The following ZFHX3 variants were observed in gnomAD, a reference collection of about 807,000 sequenced individuals.
ZFHX3 encodes zinc finger homeobox protein 3.
A neutral mutation model predicts 279.1 loss-of-function variants in ZFHX3; 42 were observed. The observed-to-expected ratio is 0.15, with a 90% CI of 0.12 to 0.19. ZFHX3 has a LOEUF of 0.19. Ranked by LOEUF, ZFHX3 falls within the 10% of genes least tolerant of loss-of-function variation. ZFHX3 has a pLI of 1.00. For synonymous variants in ZFHX3, 2,293 were observed against 1,957.8 expected, an observed-to-expected ratio of 1.17 and a Z score of -4.52; for missense variants, 4,981 against 4,754.0, an observed-to-expected ratio of 1.05 and a Z score of -1.40.
intron 2 of ZFHX3, among the ~76,000 whole-genome samples, chr16:73,572,874 C>A (rs182272363): frequency 2.6e-5 from 4 of 152,164 alleles, no homozygotes; most frequent in East Asian, 1.9e-4. Context: ...GCCTTCAATG[C>A]GGCCACTCCA....
chr16:73,300,781 G>A (rs2015037925), intron 4 of ZFHX3, among the ~76,000 whole-genome samples: 1 of 152,230 alleles, frequency 6.6e-6, no homozygotes, highest in South Asian at 2.1e-4. Context: ...TGGGATTACA[G>A]GCATGAGCCA....
chr16:73,729,621 G>A (rs890768320), intron 1 of ZFHX3, among the ~76,000 whole-genome samples: 5 of 151,662 alleles, frequency 3.3e-5, no homozygotes, highest in Non-Finnish European at 7.4e-5. Flanking sequence ...TTGCCCTAAG[G>A]TCTACTATTG....
At chr16:73,388,364 T>C (rs2016942887) in intron 3 of ZFHX3, among the ~76,000 whole-genome samples, 1 of 152,198 alleles carries the variant, frequency 6.6e-6, no homozygotes, top group Admixed American at 6.5e-5. Flanking sequence ...GGTAATGATC[T>C]GGGAAAATCC....
intron 1 of ZFHX3, among the ~76,000 whole-genome samples, chr16:73,889,305 T>A (rs1244314509): frequency 6.6e-6 from 1 of 152,180 alleles, no homozygotes; most frequent in Non-Finnish European, 1.5e-5. Flanking sequence ...ATTCATTCCA[T>A]GTTTTTGGCA....
chr16:72,963,565 T>TC (rs1310742841), intron 1 of ZFHX3, among the ~76,000 whole-genome samples: 1 of 152,180 alleles, frequency 6.6e-6, no homozygotes, highest in Admixed American at 6.5e-5. Context: ...TCTTCCAAGC[T>TC]CCCTTGGAAC....
chr16:73,762,012 C>G (rs1259732136), intron 1 of ZFHX3, among the ~76,000 whole-genome samples: 1 of 151,592 alleles, frequency 6.6e-6, no homozygotes, highest in Admixed American at 6.6e-5. Flanking sequence ...GAGCTTCTGA[C>G]AGAAAAAGAA....
chr16:73,094,773 GA>G (rs2144781932), intron 7 of ZFHX3, among the ~76,000 whole-genome samples: 1 of 152,176 alleles, frequency 6.6e-6, no homozygotes, highest in Non-Finnish European at 1.5e-5. Context: ...GCAGAGGTAC[GA>G]ACTTGACTCA....
At chr16:73,372,419 G>A (rs1182396301) in intron 3 of ZFHX3, among the ~76,000 whole-genome samples, 1 of 152,114 alleles carries the variant, frequency 6.6e-6, no homozygotes, top group Admixed American at 6.5e-5. Context: ...CATTTGTCAC[G>A]AAGCTCTTGC....
chr16:73,526,541 C>T (rs150755646), intron 2 of ZFHX3, among the ~76,000 whole-genome samples: 42 of 152,278 alleles, frequency 2.8e-4, no homozygotes, highest in Middle Eastern at 3.4e-3. Flanking sequence ...TTCAAAATGA[C>T]CCAGGCCCTG....
At chr16:73,660,404 A>T (rs902468567) in intron 2 of ZFHX3, among the ~76,000 whole-genome samples, 1 of 152,220 alleles carries the variant, frequency 6.6e-6, no homozygotes, top group Non-Finnish European at 1.5e-5. Flanking sequence ...TGAACCAGAA[A>T]AATATTTGTG....
At chr16:72,894,818 G>A (rs550222257) in intron 3 of ZFHX3, among the ~76,000 whole-genome samples, 2 of 152,258 alleles carry the variant, frequency 1.3e-5, no homozygotes, top group South Asian at 2.1e-4. Flanking sequence ...TTTCTCCCAC[G>A]CAAATCCTGA....
intron 5 of ZFHX3, among the ~76,000 whole-genome samples, chr16:73,180,907 C>A (rs992763780): frequency 6.6e-6 from 1 of 152,202 alleles, no homozygotes; most frequent in African/African-American, 2.4e-5. Context: ...AAATGATCCA[C>A]CCGCCTTGGC....
At chr16:73,725,764 C>T (rs1249118722) in intron 1 of ZFHX3, among the ~76,000 whole-genome samples, 2 of 152,116 alleles carry the variant, frequency 1.3e-5, no homozygotes, top group East Asian at 1.9e-4. Flanking sequence ...ATGGACAGTG[C>T]TTTCCCCTTT....
In ZFHX3 at chr16:72,845,318, C is replaced by T. The variant is rs549635125; in HGVS notation, c.3449-15459G>A. On this transcript the variant is annotated intron_variant, in intron 4 of 9. Coordinates refer to ENST00000268489, the MANE Select transcript of ZFHX3 (RefSeq NM_006885.4). The stretch of plus-strand genomic sequence containing the variant: ...GAGGACGCACACTCCTGGCTGCAGC[C>T]CGGCCTGTGATGGGAATTTATTTCC... 6.6e-5 allele frequency among the ~76,000 whole-genome samples: 10 copies of T among 152,300 alleles called. No homozygotes were observed. The East Asian group carries it at 1.9e-3, about 29-fold the overall frequency.
At chr16:73,445,628 A>G (rs78383368) in intron 3 of ZFHX3, among the ~76,000 whole-genome samples, 2,161 of 151,572 alleles carry the variant, frequency 0.014, 50 homozygotes, top group African/African-American at 0.05. Context: ...AGCATAGGGG[A>G]AAAAATGGTA....
At chr16:73,248,671 G>T (rs2013385574) in intron 5 of ZFHX3, among the ~76,000 whole-genome samples, 1 of 151,882 alleles carries the variant, frequency 6.6e-6, no homozygotes, top group South Asian at 2.1e-4. Context: ...GTGTGCACGT[G>T]CACGTGTGTG....
intron 2 of ZFHX3, among the ~76,000 whole-genome samples, chr16:73,588,673 G>C (rs1429441087): frequency 7.0e-6 from 1 of 142,680 alleles, no homozygotes. Flanking sequence ...CTGGGCAGCA[G>C]AGTGAGACTC....
At chr16:73,605,891 A>T (rs2052174115) in intron 2 of ZFHX3, among the ~76,000 whole-genome samples, 1 of 152,104 alleles carries the variant, frequency 6.6e-6, no homozygotes, top group African/African-American at 2.4e-5. Flanking sequence ...CCATTTAAAA[A>T]ATCCATGCTG....
At chr16:73,873,317 G>C (rs924188450) in intron 1 of ZFHX3, among the ~76,000 whole-genome samples, 1 of 150,652 alleles carries the variant, frequency 6.6e-6, no homozygotes, top group African/African-American at 2.5e-5. Context: ...GTGGGTGGTA[G>C]TGGGTGGTGG....
Sources: gnomAD v4.1 joint callset for allele counts (sites outside exome capture counted in the v4.1 genomes callset) on GRCh38, gnomAD v4.1.1 for gene constraint, MANE v1.5 for transcripts, NCBI Gene and HGNC (gene_info 2026-07-23, HGNC 2026-07-21) for gene names.